Variants in CPVL observed in about 807,000 individuals in gnomAD.
CPVL encodes the protein carboxypeptidase vitellogenic like, also known as probable serine carboxypeptidase CPVL.
In CPVL, 51 loss-of-function variants were observed where a neutral mutation model predicts 63.7. The ratio of observed to expected loss-of-function variants is 0.80; its 90% CI spans 0.64 to 1.01. CPVL has a LOEUF of 1.01. CPVL is among the 50% of genes least tolerant of loss of function. The pLI is 0.00. For missense variants in CPVL, 530 were observed against 573.1 expected (o/e 0.92, Z 0.77); for synonymous variants, 195 against 206.0 (o/e 0.95, Z 0.46).
chr7:29,003,801 G>A (rs2128127846), intron 12 of CPVL, among the ~76,000 whole-genome samples: 1 of 152,234 alleles, frequency 6.6e-6, no homozygotes, highest in South Asian at 2.1e-4. Context: ...CAGATCATCA[G>A]GCATTAGATT....
intron 7 of CPVL, among the ~76,000 whole-genome samples, chr7:29,075,294 C>G (rs922606011): frequency 6.6e-6 from 1 of 152,112 alleles, no homozygotes; most frequent in South Asian, 2.1e-4. Flanking sequence ...AACACCCACT[C>G]AGTTTTTGAG....
intron 3 of CPVL, among the ~76,000 whole-genome samples, chr7:29,185,330 A>G (rs1204277230): frequency 6.6e-6 from 1 of 152,232 alleles, no homozygotes; most frequent in Non-Finnish European, 1.5e-5. Flanking sequence ...AACATGGACC[A>G]AAATTTGAAG....
intron 4 of CPVL, among the ~76,000 whole-genome samples, chr7:29,183,797 G>A (rs989667488): frequency 2.6e-5 from 4 of 152,046 alleles, no homozygotes; most frequent in African/African-American, 4.8e-5. Flanking sequence ...AGATTAATAG[G>A]AGATACATAT....
chr7:29,095,143 CT>C lies in CPVL; in HGVS notation c.404-2del, dbSNP rs1407688702. ...GTCCAGGGGAAGTCTCTGTCACGCA[CT>C]GTGAAAACAAAGAAGAGGGGTGAGA... On this transcript the variant is annotated splice_acceptor_variant, in intron 4 of 12. Transcript: ENST00000265394. 1.2e-6 allele frequency: 2 copies of C among 1,613,422 alleles called. No homozygotes were observed. Among genetic ancestry groups the C allele is most frequent in the Non-Finnish European group, 1.7e-6 (2 of 1,179,472 alleles).
chr7:29,016,605 C>T (rs1008805545), intron 12 of CPVL, among the ~76,000 whole-genome samples: 5 of 152,098 alleles, frequency 3.3e-5, no homozygotes, highest in Non-Finnish European at 5.9e-5. Flanking sequence ...CCCCTGAGCA[C>T]AGTGTGGCAG....
intron 1 of CPVL, among the ~76,000 whole-genome samples, chr7:29,130,153 T>A (rs1197265338): frequency 6.6e-6 from 1 of 152,156 alleles, no homozygotes; most frequent in Non-Finnish European, 1.5e-5. Flanking sequence ...AGTGGGGCCA[T>A]GATTGGAGAT....
chr7:29,086,651 A>G, intron 6 of CPVL, 101 bp from the exon 7 acceptor site: 1 of 858,172 alleles, frequency 1.2e-6, no homozygotes, highest in Non-Finnish European at 2.0e-6. Flanking sequence ...AATAGGTTTC[A>G]CACTTGAAAT....
At position 29,092,676 on chromosome 7, in the gene CPVL, A is replaced by C. The variant is rs755680692; in HGVS notation, c.489T>G (p.Asp163Glu). ...CATTGACTGCATATCCGTGGGTATCATCAGTAAAACTGAAGCCTGTGCCCA... is the reference window on the plus strand; with the variant it reads ...CATTGACTGCATATCCGTGGGTATCCTCAGTAAAACTGAAGCCTGTGCCCA... ...NPVGTGFSFT[D>E]DTHGYAVNED... Residue 163 changes from aspartate to glutamate, a missense_variant, in exon 6 of 13, where the codon GAT (aspartate) becomes GAG (glutamate). Physicochemically the swap from Asp to Glu is conservative, Grantham distance 45. Transcript: ENST00000265394. 6.2e-7 allele frequency: 1 copy of C among 1,613,900 alleles called. No individual in the cohort carries two copies. Among genetic ancestry groups the C allele is most frequent in the African/African-American group, 1.3e-5 (1 of 75,068 alleles).
At chr7:29,128,106 C>A (rs1329787234) in intron 1 of CPVL, 1 of 151,562 alleles carries the variant, frequency 6.6e-6, no homozygotes, top group Non-Finnish European at 1.5e-5. Context: ...GGCTGTGACA[C>A]CCCACTAGTT....
chr7:29,120,874 T>G lies in CPVL; in HGVS notation c.169+19A>C. On this transcript the variant is annotated intron_variant, in intron 2 of 12. Coordinates refer to ENST00000265394, the MANE Select transcript of CPVL (RefSeq NM_031311.5). ...TGAACTCATGCCAGTGGTTTTCTGATTTAATTAAACTTACTTACCTTTTTG... is the reference window on the plus strand; with the variant it reads ...TGAACTCATGCCAGTGGTTTTCTGAGTTAATTAAACTTACTTACCTTTTTG... The G allele has an allele frequency of 6.2e-7, 1 of 1,601,218 alleles. No individual in the cohort carries two copies. The highest frequency in any genetic ancestry group is 2.2e-5 in the East Asian group (1 of 44,772).
intron 6 of CPVL, among the ~76,000 whole-genome samples, chr7:29,087,808 T>C (rs1363217966): frequency 2.0e-5 from 3 of 152,214 alleles, no homozygotes; most frequent in African/African-American, 7.2e-5. Flanking sequence ...TATATTTAAT[T>C]TTCAAAGGCT....
At chr7:29,008,299 T>C (rs1004729877) in intron 12 of CPVL, among the ~76,000 whole-genome samples, 1 of 152,180 alleles carries the variant, frequency 6.6e-6, no homozygotes, top group Non-Finnish European at 1.5e-5. Flanking sequence ...CAGGTAGAGT[T>C]AGGACTTTAT....
intron 1 of CPVL, chr7:29,128,107 C>G (rs1406307460): frequency 6.6e-6 from 1 of 151,498 alleles, no homozygotes; most frequent in African/African-American, 2.4e-5. Flanking sequence ...GCTGTGACAC[C>G]CCACTAGTTC....
At chr7:29,109,356 G>A (rs1329077135) in intron 3 of CPVL, among the ~76,000 whole-genome samples, 1 of 152,148 alleles carries the variant, frequency 6.6e-6, no homozygotes, top group Admixed American at 6.5e-5. Flanking sequence ...TGACAAGTGT[G>A]CCATCCTTCC....
At chr7:29,085,073 T>C (rs1785077596) in intron 7 of CPVL, among the ~76,000 whole-genome samples, 1 of 152,332 alleles carries the variant, frequency 6.6e-6, no homozygotes, top group South Asian at 2.1e-4. Context: ...TTTTGTTTCC[T>C]AGCTCTGCCC....
intron 12 of CPVL, among the ~76,000 whole-genome samples, chr7:29,006,964 A>G (rs1193249966): frequency 6.6e-6 from 1 of 152,174 alleles, no homozygotes; most frequent in Non-Finnish European, 1.5e-5. Flanking sequence ...GTCTTTGGTT[A>G]CACTTCAAAT....
At chr7:29,157,926 T>A (rs1035354931) in intron 5 of CPVL, among the ~76,000 whole-genome samples, 1 of 152,140 alleles carries the variant, frequency 6.6e-6, no homozygotes, top group Non-Finnish European at 1.5e-5. Context: ...CTCTTCCTTA[T>A]GAAAATACTG....
intron 1 of CPVL, chr7:29,126,880 C>A (rs1790081496): frequency 6.6e-6 from 1 of 152,136 alleles, no homozygotes; most frequent in Non-Finnish European, 1.5e-5. Flanking sequence ...TATGTTGACA[C>A]CCTGGACAAC....
chr7:29,075,976 A>G (rs1212234140), intron 7 of CPVL, among the ~76,000 whole-genome samples: 1 of 16,052 alleles, frequency 6.2e-5, no homozygotes, highest in Non-Finnish European at 1.5e-4. Context: ...TTTTGGCAAG[A>G]TCAGACTCAT....
Sources: gnomAD v4.1 joint callset for allele counts (sites outside exome capture counted in the v4.1 genomes callset) on GRCh38, gnomAD v4.1.1 for gene constraint, MANE v1.5 for transcripts, NCBI Gene and HGNC (gene_info 2026-07-23, HGNC 2026-07-21) for gene names.